Variants in ANXA6 observed in about 807,000 individuals in gnomAD.
ANXA6 encodes the protein annexin A6.
In ANXA6, 71 loss-of-function variants were observed where a neutral mutation model predicts 95.4. The ratio of observed to expected loss-of-function variants is 0.74; its 90% confidence interval spans 0.61 to 0.91. The LOEUF is 0.91. Among genes scored for constraint, ANXA6 ranks in the 40% least tolerant of loss-of-function variants. The pLI is 0.00. For missense variants in ANXA6, 830 were observed against 876.4 expected, an observed-to-expected ratio of 0.95 and a Z score of 0.67; for synonymous variants, 289 against 315.9, an observed-to-expected ratio of 0.91 and a Z score of 0.90.
chr5:151,108,383 G>A lies in ANXA6; in HGVS notation c.1780+72C>T, dbSNP rs73799440. The A allele has an allele frequency of 8.8e-4, 1,237 of 1,403,144 alleles. 9 individuals carry two copies. The African/African-American group carries it at 0.016, about 18-fold the overall frequency. The allele number at this position is 1,403,144 out of a possible 1,614,324, so 86.9% of individuals were successfully genotyped here. ...CAGTAGTAGCTTCGGAGGCTGCCAA[G>A]GTTCTATTCTTCCAGAGAATCTGTT... On this transcript the variant is annotated intron_variant, in intron 23 of 25. Transcript: ENST00000354546.
chr5:151,141,747 T>G, intron 2 of ANXA6: 1 of 982,524 alleles, frequency 1.0e-6, no homozygotes, highest in East Asian at 1.1e-4. Flanking sequence ...GCTCTCTTCC[T>G]GCCACCTGGG....
chr5:151,144,002 G>T (rs977639513), intron 2 of ANXA6, among the ~76,000 whole-genome samples: 1 of 152,170 alleles, frequency 6.6e-6, no homozygotes, highest in Admixed American at 6.5e-5. Flanking sequence ...AGTCTGCAGG[G>T]CTCAGAGCAG....
chr5:151,130,805 A>G (rs1045726960), intron 11 of ANXA6, among the ~76,000 whole-genome samples: 2 of 152,340 alleles, frequency 1.3e-5, no homozygotes. Flanking sequence ...TTTGTGCGTC[A>G]TATGTGTAAA....
Position 151,156,398 on chromosome 5 carries a change from G to A in ANXA6, c.-26+1282C>T, listed in dbSNP as rs74707814. On this transcript the variant is annotated intron_variant, in intron 1 of 25. Transcript: ENST00000354546. ...CCTCTGACCCCAGGCCAGTGCCCTCGGCGTGGCTCAGGGCCTGCCTGCTAG... is the reference window on the plus strand; with the variant it reads ...CCTCTGACCCCAGGCCAGTGCCCTCAGCGTGGCTCAGGGCCTGCCTGCTAG... Among the ~76,000 whole-genome samples, 1,066 of 152,320 alleles carry A rather than the reference G, an allele frequency of 7.0e-3. 41 individuals carry two copies. In the South Asian group the frequency reaches 0.099, roughly 14 times the overall value.
chr5:151,137,903 A>G (rs1370493011), intron 5 of ANXA6, among the ~76,000 whole-genome samples: 2 of 152,178 alleles, frequency 1.3e-5, no homozygotes, highest in Non-Finnish European at 2.9e-5. Context: ...CTAAAACACA[A>G]AGGTTCTAGT....
intron 17 of ANXA6, among the ~76,000 whole-genome samples, 151 bp from the exon 18 acceptor site, chr5:151,119,541 A>G (rs2303024): frequency 0.79 from 120,241 of 152,190 alleles, 48,076 homozygotes; most frequent in East Asian, 0.93. Context: ...CCTTGGCACA[A>G]CCAAGGCTGA....
chr5:151,122,669 C>T (rs763291178), intron 16 of ANXA6, among the ~76,000 whole-genome samples: 13 of 152,200 alleles, frequency 8.5e-5, no homozygotes, highest in Non-Finnish European at 1.6e-4. Flanking sequence ...TGATCTTGGC[C>T]CCATGCTGTG....
At chr5:151,140,722 C>T (rs899119398) in intron 2 of ANXA6, among the ~76,000 whole-genome samples, 2 of 152,136 alleles carry the variant, frequency 1.3e-5, no homozygotes, top group Non-Finnish European at 2.9e-5. Context: ...CCAGTGCACC[C>T]AGCCAGCCCC....
chr5:151,139,153 A>G (rs1765753346), intron 4 of ANXA6, 200 bp downstream of exon 4: 1 of 593,790 alleles, frequency 1.7e-6, no homozygotes, highest in African/African-American at 1.9e-5. Context: ...ACCTAGCACG[A>G]GCCCAGCATA....
rs199644640 is a variant in ANXA6, at chr5:151,109,767, G to A, written c.1670C>T (p.Pro557Leu). 5.2e-5 allele frequency: 83 copies of A among 1,610,040 alleles called. No individual in the cohort carries two copies. Among genetic ancestry groups the A allele is most frequent in the Middle Eastern group, 1.7e-4 (1 of 5,972 alleles). Residue 557 changes from proline (P) to leucine (L), a missense_variant, in exon 22 of 26, where the codon CCG (proline) becomes CTG (leucine). Coordinates refer to ENST00000354546, the MANE Select transcript of ANXA6 (RefSeq NM_001155.5). ...FMTILCTRSY[P>L]HLRRVFQEFI... Reference sequence around the variant, plus strand: ...TCAGGCCTCACCTCTCCGGAGGTGCGGATAGCTCCGGGTACACAGGATCGT... The same window carrying A: ...TCAGGCCTCACCTCTCCGGAGGTGCAGATAGCTCCGGGTACACAGGATCGT...
intron 20 of ANXA6, among the ~76,000 whole-genome samples, chr5:151,114,073 G>A (rs1374447551): frequency 6.6e-6 from 1 of 152,200 alleles, no homozygotes; most frequent in Non-Finnish European, 1.5e-5. Flanking sequence ...TGAGGTGTTT[G>A]GAAGAGGCAC....
At chr5:151,110,743 G>A in intron 20 of ANXA6, 99 bp from the exon 21 acceptor site, 1 of 1,364,808 alleles carries the variant, frequency 7.3e-7, no homozygotes, top group Admixed American at 1.8e-5. Flanking sequence ...AGGGTGAGGG[G>A]CCTGGCTGGG....
intron 3 of ANXA6, 44 bp downstream of exon 3, chr5:151,140,109 T>A (rs10040510): frequency 0.39 from 614,902 of 1,581,036 alleles, 121,851 homozygotes; most frequent in Middle Eastern, 0.43. Context: ...CTGTGTCTAC[T>A]TTTGGGGGAT....
At chr5:151,125,205 A>G (rs1469523045) in intron 14 of ANXA6, among the ~76,000 whole-genome samples, 1 of 152,092 alleles carries the variant, frequency 6.6e-6, no homozygotes, top group Non-Finnish European at 1.5e-5. Context: ...CAAATTAGCC[A>G]GGTGTGGTGG....
In ANXA6 at chr5:151,122,222, G is replaced by A; in HGVS notation, c.1272C>T (p.Asp424=). The change falls in exon 17 of 26, where the codon GAC becomes GAT. Residue 424 remains aspartate, a synonymous_variant. Transcript: ENST00000354546. ...TGAGCCCCAGAATCAGCCTTGCCAG[G>A]TCTCCAGAGATCTCAGACTTCAGGT... is the stretch of plus-strand genomic sequence containing the variant. ...MTDLKSEISG[D]LARLILGLMM... 10 of 1,605,254 alleles carry A rather than the reference G, an allele frequency of 6.2e-6. No homozygotes were observed. Among genetic ancestry groups the A allele is most frequent in the Non-Finnish European group, 8.5e-6 (10 of 1,176,852 alleles).
Position 151,126,395 on chromosome 5 carries a change from G to T in ANXA6, c.1056+7C>A. 6.2e-7 allele frequency: 1 copy of T among 1,605,386 alleles called. No individual in the cohort carries two copies. Among genetic ancestry groups the T allele is most frequent in the South Asian group, 1.1e-5 (1 of 89,362 alleles). Reference sequence around the variant, plus strand: ...AGAGGTCAAGCAGGAGGAGGGGAAGGTCTGACCTCTACTCGGGCCACTGCA... The same window carrying T: ...AGAGGTCAAGCAGGAGGAGGGGAAGTTCTGACCTCTACTCGGGCCACTGCA... On this transcript the variant is annotated splice_region_variant and intron_variant, in intron 14 of 25. Coordinates refer to ENST00000354546, the MANE Select transcript of ANXA6 (RefSeq NM_001155.5).
At chr5:151,110,260 G>A (rs1027807985) in intron 21 of ANXA6, among the ~76,000 whole-genome samples, 6 of 152,224 alleles carry the variant, frequency 3.9e-5, no homozygotes, top group African/African-American at 1.2e-4. Flanking sequence ...CCCAAGCGGG[G>A]TCAAGGGCAA....
In ANXA6 at chr5:151,126,122, C is replaced by T. The variant is rs1041666474; in HGVS notation, c.1056+280G>A. 3.9e-5 allele frequency among the ~76,000 whole-genome samples: 6 copies of T among 152,290 alleles called. No homozygotes were observed. The South Asian group carries it at 6.2e-4, about 16-fold the overall frequency. On this transcript the variant is annotated intron_variant, in intron 14 of 25. Coordinates refer to ENST00000354546, the MANE Select transcript of ANXA6 (RefSeq NM_001155.5). ...TGAGGCCAACTGTTTCGACTCCAGACGGGACAGGCCCCTCCATGGAACCAG... is the reference window on the plus strand; with the variant it reads ...TGAGGCCAACTGTTTCGACTCCAGATGGGACAGGCCCCTCCATGGAACCAG...
intron 14 of ANXA6, among the ~76,000 whole-genome samples, chr5:151,126,016 A>G (rs779368399): frequency 1.3e-5 from 2 of 152,180 alleles, no homozygotes; most frequent in Admixed American, 6.5e-5. Flanking sequence ...GTGGACCCCC[A>G]GTCTGAGGAT....
Sources: allele counts gnomAD v4.1 joint callset (sites outside exome capture counted in the v4.1 genomes callset), GRCh38; gene constraint gnomAD v4.1.1; transcripts MANE v1.5; gene names NCBI Gene and HGNC (gene_info 2026-07-23, HGNC 2026-07-21).